TBC1D16: variants seen among roughly 807,000 people sequenced by gnomAD.
The protein encoded by TBC1D16 is TBC1 domain family member 16, also known as CTD-2529O21.1.
TBC1D16 carries 58 observed loss-of-function variants against 74.7 expected under a neutral mutation model. The observed-to-expected ratio is 0.78, with a 90% CI of 0.63 to 0.97. TBC1D16 has a LOEUF of 0.97. Among genes scored for constraint, TBC1D16 ranks in the 50% least tolerant of loss-of-function variants. The pLI, the probability that TBC1D16 is intolerant of heterozygous loss-of-function variation, is 0.00. For missense variants in TBC1D16, 1,014 were observed against 1,079.5 expected, an observed-to-expected ratio of 0.94 and a Z score of 0.85; for synonymous variants, 493 against 474.7, an observed-to-expected ratio of 1.04 and a Z score of -0.50.
rs1189482302 is a variant in TBC1D16 at position 79,975,064 on chromosome 17, G to GCCGTC, written c.780-22251_780-22247dup. Among the ~76,000 whole-genome samples the GCCGTC allele has an allele frequency of 2.6e-5, 4 of 152,186 alleles. No individual in the cohort carries two copies. ...CTCTGCTCCGTCACCTCCTCGCCAT[G>GCCGTC]CCGTCCCCACTGCCAGTGGGCGCAA... On this transcript the variant is annotated intron_variant, in intron 3 of 11. Coordinates refer to ENST00000310924, the MANE Select transcript of TBC1D16 (RefSeq NM_019020.4). This position sits in a 1 kb window ranked among gnomAD's most constrained non-coding sequence, Gnocchi z 4.5.
chr17:80,026,113 G>T (rs1487851388), intron 1 of TBC1D16: 3 of 150,160 alleles, frequency 2.0e-5, no homozygotes, highest in Non-Finnish European at 4.4e-5. Flanking sequence ...AATAATGGAG[G>T]ATTATTTAAT....
Position 79,988,476 on chromosome 17 carries a change from C to G in TBC1D16, c.779+21684G>C, listed in dbSNP as rs556800752. 1.1e-4 allele frequency among the ~76,000 whole-genome samples: 16 copies of G among 152,262 alleles called. No individual in the cohort carries two copies. The highest frequency in any genetic ancestry group is 3.1e-4 in the African/African-American group (13 of 41,480). The stretch of plus-strand genomic sequence containing the variant: ...AGGGGCAGAGGGGGCAGCAACCGGA[C>G]GGAAGCTGCCCAATCATAAGACCAT... On this transcript the variant is annotated intron_variant, in intron 3 of 11. Coordinates refer to ENST00000310924, the MANE Select transcript of TBC1D16 (RefSeq NM_019020.4). This position sits in a 1 kb window ranked among gnomAD's most constrained non-coding sequence, Gnocchi z 5.7.
chr17:79,967,995 T>G (rs1156626290), intron 3 of TBC1D16, among the ~76,000 whole-genome samples: 1 of 152,216 alleles, frequency 6.6e-6, no homozygotes, highest in South Asian at 2.1e-4. Flanking sequence ...AAGAATAATC[T>G]TTAAAAAATT....
In TBC1D16 at chr17:80,010,385, C is replaced by T. The variant is rs777552860; in HGVS notation, c.554G>A (p.Gly185Glu). ...PASQPACSPS[G>E]ILSTVSPQDV... is the part of the protein sequence containing the mutation. ...CTGCGGACTGACCGTCGACAAGATC[C>T]CGGAGGGGCTGCAAGCAGGCTGCGA... The change falls in exon 3 of 12, where the codon GGG becomes GAG. Residue 185 changes from glycine to glutamate, a missense_variant. Coordinates refer to ENST00000310924, the MANE Select transcript of TBC1D16 (RefSeq NM_019020.4). The surrounding 1 kb of genome is among the most constrained non-coding windows in gnomAD (Gnocchi z 8.8). The T allele has an allele frequency of 2.5e-6, 4 of 1,612,112 alleles. No homozygotes were observed. The highest frequency in any genetic ancestry group is 3.4e-6 in the Non-Finnish European group (4 of 1,179,288).
intron 3 of TBC1D16, among the ~76,000 whole-genome samples, chr17:79,953,833 C>T (rs967515731): frequency 2.0e-5 from 3 of 151,002 alleles, no homozygotes; most frequent in Admixed American, 6.6e-5. Flanking sequence ...GTGCAGTGTG[C>T]GATCTCGGCT....
At chr17:79,976,490 G>A (rs1004287903) in intron 3 of TBC1D16, among the ~76,000 whole-genome samples, 55 of 152,300 alleles carry the variant, frequency 3.6e-4, no homozygotes, top group African/African-American at 1.3e-3. Flanking sequence ...CGCCTGAAAC[G>A]AATGACTGCG....
At chr17:80,004,523 C>T (rs945283105) in intron 3 of TBC1D16, among the ~76,000 whole-genome samples, 1 of 152,148 alleles carries the variant, frequency 6.6e-6, no homozygotes, top group African/African-American at 2.4e-5. Context: ...GTTCGTGAGC[C>T]CAGGTTTGAA....
chr17:80,019,349 G>A (rs894921473), intron 1 of TBC1D16, among the ~76,000 whole-genome samples: 6 of 149,514 alleles, frequency 4.0e-5, no homozygotes, highest in African/African-American at 7.7e-5. Flanking sequence ...GGGTCATTTC[G>A]TGAGCGGGAA....
chr17:80,022,951 T>C (rs1024721911), intron 1 of TBC1D16, among the ~76,000 whole-genome samples: 1 of 150,170 alleles, frequency 6.7e-6, no homozygotes. Flanking sequence ...ATTTATTATA[T>C]AAAACTTTAT....
rs2034312332 is a variant in TBC1D16 at position 79,975,906 on chromosome 17, C to T, written c.780-23088G>A. Reference sequence around the variant, plus strand: ...GCAGCAGCTCCGGCAGGCGGCTCTCCAGGCCACGAGATGGGCACAGACCTT... The same window carrying T: ...GCAGCAGCTCCGGCAGGCGGCTCTCTAGGCCACGAGATGGGCACAGACCTT... On this transcript the variant is annotated intron_variant, in intron 3 of 11. Coordinates refer to ENST00000310924, the MANE Select transcript of TBC1D16 (RefSeq NM_019020.4). This position sits in a 1 kb window ranked among gnomAD's most constrained non-coding sequence, Gnocchi z 4.5. Among the ~76,000 whole-genome samples the T allele has an allele frequency of 6.6e-6, 1 of 152,222 alleles. No homozygotes were observed. Among genetic ancestry groups the T allele is most frequent in the Admixed American group, 6.5e-5 (1 of 15,290 alleles).
Position 80,007,552 on chromosome 17 carries a change from G to C in TBC1D16, c.779+2608C>G, listed in dbSNP as rs1371316708. Among the ~76,000 whole-genome samples the C allele has an allele frequency of 2.0e-5, 3 of 152,308 alleles. No homozygotes were observed. Among genetic ancestry groups the C allele is most frequent in the South Asian group, 4.1e-4 (2 of 4,820 alleles). On this transcript the variant is annotated intron_variant, in intron 3 of 11. Transcript: ENST00000310924. The surrounding 1 kb of genome is among the most constrained non-coding windows in gnomAD (Gnocchi z 4.5). ...GGACAGGGTGTCTCAGTGGGGACTC[G>C]AGTGTCAGAGCAGAGAAGGGGGCCA...
At chr17:79,982,789 G>A (rs1223494556) in intron 3 of TBC1D16, among the ~76,000 whole-genome samples, 1 of 152,104 alleles carries the variant, frequency 6.6e-6, no homozygotes, top group East Asian at 1.9e-4. Flanking sequence ...AACCCAGGGG[G>A]CGGAGATTGC....
Position 79,937,747 on chromosome 17 carries a change from C to T in TBC1D16, c.*3112G>A, listed in dbSNP as rs771088801. On this transcript the variant is annotated 3_prime_UTR_variant, in exon 12 of 12. Coordinates refer to ENST00000310924, the MANE Select transcript of TBC1D16 (RefSeq NM_019020.4). ...TCCTCCCCAGATCTCTGAGTGCTCA[C>T]CCGACCCCCCAACCCTGGCGGGACC... The T allele has an allele frequency of 6.6e-6, 1 of 152,364 alleles. No individual in the cohort carries two copies. Among genetic ancestry groups the T allele is most frequent in the African/African-American group, 2.4e-5 (1 of 41,462 alleles). The allele number at this position is 152,364 out of a possible 1,614,324, so 9.4% of individuals were successfully genotyped here.
chr17:80,002,441 G>C (rs1468693264), intron 3 of TBC1D16, among the ~76,000 whole-genome samples: 2 of 152,214 alleles, frequency 1.3e-5, no homozygotes, highest in African/African-American at 4.8e-5. Context: ...CATGTGAGGT[G>C]GGGAGCGGCC....
chr17:79,949,732 TCAGAGTACTCCTTTCGCTTCTG>T lies in TBC1D16; in HGVS notation c.1369_1390del (p.Gln457ArgfsTer9). ...CGGCGGTTACCTTTTCTGCTGGATC[TCAGAGTACTCCTTTCGCTTCTG>T]CAGCCGCAGCGCCTCCCGCTCCTCC... On this transcript the variant is annotated frameshift_variant, in exon 7 of 12. Transcript: ENST00000310924. LOFTEE classifies it high-confidence loss of function. The T allele has an allele frequency of 6.2e-7, 1 of 1,611,846 alleles. No homozygotes were observed. Among genetic ancestry groups the T allele is most frequent in the East Asian group, 2.2e-5 (1 of 44,828 alleles).
At chr17:79,963,840 A>G (rs752343265) in intron 3 of TBC1D16, among the ~76,000 whole-genome samples, 2 of 152,148 alleles carry the variant, frequency 1.3e-5, no homozygotes, top group Non-Finnish European at 2.9e-5. Context: ...AATGATATTG[A>G]GTACCTTCAT....
At chr17:80,024,564 G>GCACACACACC (rs1598443292) in intron 1 of TBC1D16, among the ~76,000 whole-genome samples, 1 of 130,296 alleles carries the variant, frequency 7.7e-6, no homozygotes, top group Admixed American at 7.3e-5. Context: ...CACCACACAC[G>GCACACACACC]ACACACCATA....
chr17:79,984,619 G>GGGAAGGAGGGAAGGAAGGAA (rs1491290219), intron 3 of TBC1D16, among the ~76,000 whole-genome samples: 1 of 102,506 alleles, frequency 9.8e-6, no homozygotes, highest in South Asian at 3.4e-4. Context: ...GAGGGAGGGA[G>GGGAAGGAGGGAAGGAAGGAA]TGAAGGAAGG....
chr17:79,949,102 C>A, intron 7 of TBC1D16, 96 bp from the exon 8 acceptor site: 1 of 1,543,156 alleles, frequency 6.5e-7, no homozygotes, highest in Non-Finnish European at 8.8e-7. Context: ...CCTCCCAACC[C>A]CCGTTCCCTG....
Sources: allele counts gnomAD v4.1 joint callset (sites outside exome capture counted in the v4.1 genomes callset), GRCh38; gene constraint gnomAD v4.1.1; non-coding constraint Gnocchi (gnomAD v3.1); transcripts MANE v1.5; gene names NCBI Gene and HGNC (gene_info 2026-07-23, HGNC 2026-07-21).